ANK3: variants seen among roughly 807,000 people sequenced by gnomAD.
ANK3 encodes ankyrin-3.
Under a neutral mutation model 370.9 loss-of-function variants are expected in ANK3, and 57 were observed. The observed-to-expected ratio is 0.15, with a 90% CI of 0.12 to 0.19. The LOEUF (loss-of-function observed/expected upper bound fraction) is 0.19, where lower values mean the gene tolerates loss of function less well. Among genes scored for constraint, ANK3 ranks in the 10% least tolerant of loss-of-function variants. The pLI is 1.00. For synonymous variants in ANK3, 1,929 were observed against 1,946.3 expected, an observed-to-expected ratio of 0.99 and a Z score of 0.23; for missense variants, 4,439 against 5,302.1, an observed-to-expected ratio of 0.84 and a Z score of 5.06.
chr10:60,695,640 C>G (rs901948979), intron 1 of ANK3, among the ~76,000 whole-genome samples: 2 of 152,176 alleles, frequency 1.3e-5, no homozygotes, highest in East Asian at 1.9e-4. Context: ...ACAACCTGCT[C>G]CTGAATGACT....
intron 1 of ANK3, among the ~76,000 whole-genome samples, chr10:60,356,486 T>G (rs903575996): frequency 6.6e-6 from 1 of 152,200 alleles, no homozygotes; most frequent in African/African-American, 2.4e-5. Context: ...TGGGGACTCC[T>G]AGCTCATGAA....
intron 23 of ANK3, among the ~76,000 whole-genome samples, chr10:60,160,294 G>A (rs2095464939): frequency 6.6e-6 from 1 of 151,876 alleles, no homozygotes; most frequent in Admixed American, 6.6e-5. Context: ...CCAATAAATT[G>A]GGAAACCTGT....
At chr10:60,362,866 A>G (rs1594521539) in intron 1 of ANK3, among the ~76,000 whole-genome samples, 1 of 152,218 alleles carries the variant, frequency 6.6e-6, no homozygotes, top group East Asian at 1.9e-4. Context: ...ATTCACAGAG[A>G]AAAACTCTGT....
intron 1 of ANK3, among the ~76,000 whole-genome samples, chr10:60,681,349 G>A (rs1331962463): frequency 6.6e-6 from 1 of 152,164 alleles, no homozygotes; most frequent in Non-Finnish European, 1.5e-5. Flanking sequence ...GGCATTTCCT[G>A]AGGTGCCCTT....
intron 14 of ANK3, among the ~76,000 whole-genome samples, 182 bp from the exon 15 acceptor site, chr10:60,196,807 C>T (rs1220719416): frequency 6.6e-6 from 1 of 152,132 alleles, no homozygotes; most frequent in East Asian, 1.9e-4. Context: ...CCAAGACTCA[C>T]AGATAAGAGT....
chr10:60,503,687 C>G (rs1351874390), intron 2 of ANK3, among the ~76,000 whole-genome samples: 2 of 152,110 alleles, frequency 1.3e-5, no homozygotes, highest in Admixed American at 1.3e-4. Context: ...TTATTAGAAA[C>G]CAGAGGCAAT....
chr10:60,308,330 C>T (rs947235099), intron 1 of ANK3, among the ~76,000 whole-genome samples: 13 of 120,478 alleles, frequency 1.1e-4, no homozygotes, highest in Non-Finnish European at 1.3e-4. Context: ...GATGGAGTCT[C>T]GTTCTGTTGC....
chr10:60,428,243 G>T (rs1385436323), intron 2 of ANK3, among the ~76,000 whole-genome samples: 1 of 152,194 alleles, frequency 6.6e-6, no homozygotes, highest in Non-Finnish European at 1.5e-5. Context: ...CAATGAGGCT[G>T]TCTGAAACAT....
At chr10:60,631,198 A>G (rs1007996122) in intron 1 of ANK3, among the ~76,000 whole-genome samples, 20 of 152,212 alleles carry the variant, frequency 1.3e-4, no homozygotes, top group Middle Eastern at 6.8e-3. Context: ...TGCCTGTTAA[A>G]TATTTTCCCA....
At chr10:60,172,728 T>C (rs918345899) in intron 20 of ANK3, among the ~76,000 whole-genome samples, 172 bp downstream of exon 20, 4 of 151,920 alleles carry the variant, frequency 2.6e-5, no homozygotes, top group African/African-American at 9.7e-5. Context: ...ACTAATCATC[T>C]CTCTCTCTCT....
At chr10:60,681,776 C>G (rs762800530) in intron 1 of ANK3, among the ~76,000 whole-genome samples, 7 of 152,154 alleles carry the variant, frequency 4.6e-5, no homozygotes, top group African/African-American at 9.7e-5. Flanking sequence ...TACCATGGGA[C>G]TGAGTATACA....
intron 1 of ANK3, among the ~76,000 whole-genome samples, chr10:60,669,699 A>G (rs2079042277): frequency 6.6e-6 from 1 of 151,444 alleles, no homozygotes; most frequent in South Asian, 2.1e-4. Context: ...GTTTTCCTTG[A>G]CTCCCCCTCA....
rs1476401835 is a variant in ANK3 at position 60,410,068 on chromosome 10, A to G, written c.97-130429T>C. On this transcript the variant is annotated intron_variant, in intron 2 of 43. Transcript: ENST00000373827. ...CTCCAAGAATCAGCTCAAGTATTGAATTTTGATATTCTGATTGAGTAAACT... is the reference window on the plus strand; with the variant it reads ...CTCCAAGAATCAGCTCAAGTATTGAGTTTTGATATTCTGATTGAGTAAACT... Among the ~76,000 whole-genome samples the G allele has an allele frequency of 4.6e-5, 7 of 152,142 alleles. No homozygotes were observed. The South Asian group carries it at 1.0e-3, about 23-fold the overall frequency.
At chr10:60,112,637 A>AT in intron 26 of ANK3, among the ~76,000 whole-genome samples, 1 of 152,270 alleles carries the variant, frequency 6.6e-6, no homozygotes, top group South Asian at 2.1e-4. Context: ...TCTGAGTCTG[A>AT]TTTTTTATTT....
rs891199577 is a variant in ANK3, at chr10:60,681,196, T to C, written c.57+52067A>G. Among the ~76,000 whole-genome samples the C allele has an allele frequency of 2.6e-5, 4 of 152,148 alleles. No individual in the cohort carries two copies. The South Asian group carries it at 8.3e-4, about 32-fold the overall frequency. On this transcript the variant is annotated intron_variant, in intron 1 of 43. Transcript: ENST00000373827. ...TGAAGTTTGGTCTCTCATCATCTTG[T>C]TTCCAAATCTTGACCTCCTCCCACC...
intron 1 of ANK3, among the ~76,000 whole-genome samples, chr10:60,668,161 C>A (rs1274888798): frequency 6.6e-6 from 1 of 151,498 alleles, no homozygotes; most frequent in East Asian, 1.9e-4. Flanking sequence ...GGAGGAAACT[C>A]AGAGGAGAAC....
At chr10:60,141,151 TC>T in intron 23 of ANK3, 2 of 389,234 alleles carry the variant, frequency 5.1e-6, no homozygotes, top group South Asian at 1.1e-4. Context: ...CCCATAACTC[TC>T]CAAGAGGCAC....
At chr10:60,518,338 C>T (rs566033683) in intron 2 of ANK3, among the ~76,000 whole-genome samples, 22 of 152,242 alleles carry the variant, frequency 1.4e-4, no homozygotes, top group African/African-American at 5.1e-4. Context: ...CGTAGCAGGC[C>T]TATACTGTTG....
At chr10:60,216,368 T>C (rs2096936923) in intron 8 of ANK3, among the ~76,000 whole-genome samples, 1 of 152,198 alleles carries the variant, frequency 6.6e-6, no homozygotes, top group Non-Finnish European at 1.5e-5. Context: ...GCTTCCAGCT[T>C]ATGCCCATTC....
Sources: gnomAD v4.1 joint callset for allele counts (sites outside exome capture counted in the v4.1 genomes callset) on GRCh38, gnomAD v4.1.1 for gene constraint, MANE v1.5 for transcripts, NCBI Gene and HGNC (gene_info 2026-07-23, HGNC 2026-07-21) for gene names.